The following SYNE1 variants were observed in gnomAD, a reference collection of about 807,000 sequenced individuals.
SYNE1 encodes nesprin-1.
Under a neutral mutation model 1,111.0 loss-of-function variants are expected in SYNE1, and 616 were observed. The observed-to-expected ratio is 0.55, with a 90% CI of 0.52 to 0.59. The LOEUF is 0.59. Ranked by LOEUF, SYNE1 falls within the 20% of genes least tolerant of loss-of-function variation. SYNE1 has a pLI of 0.00. For missense variants in SYNE1, 10,006 were observed against 10,417.0 expected (o/e 0.96, Z 1.72); for synonymous variants, 3,855 against 3,825.8 (o/e 1.01, Z -0.28).
At chr6:152,292,971 T>G (rs1399947341) in intron 95 of SYNE1, among the ~76,000 whole-genome samples, 1 of 152,244 alleles carries the variant, frequency 6.6e-6, no homozygotes, top group Non-Finnish European at 1.5e-5. Context: ...TCTGAACATT[T>G]CTTAGCATGC....
chr6:152,509,067 A>C (rs1228380078), intron 8 of SYNE1, among the ~76,000 whole-genome samples: 4 of 152,168 alleles, frequency 2.6e-5, no homozygotes, highest in Non-Finnish European at 5.9e-5. Flanking sequence ...ATGCAAAACA[A>C]GATAAAAAAT....
intron 78 of SYNE1, among the ~76,000 whole-genome samples, chr6:152,327,224 A>G (rs2153957700): frequency 6.6e-6 from 1 of 152,290 alleles, no homozygotes; most frequent in Admixed American, 6.5e-5. Context: ...TGAGAGGCAG[A>G]GGTTGCAGTG....
At position 152,378,008 on chromosome 6, in the gene SYNE1, C is replaced by T. The variant is rs776161078; in HGVS notation, c.9010-1096G>A. On this transcript the variant is annotated intron_variant, in intron 56 of 145. Coordinates refer to ENST00000367255, the MANE Select transcript of SYNE1 (RefSeq NM_182961.4). ...GACTTGAAAAGTACACCTCTGAAAT[C>T]GAGGCCATGGTCATCTGAGTTACAC... Among the ~76,000 whole-genome samples the T allele has an allele frequency of 5.3e-5, 8 of 152,178 alleles. 1 individual carries two copies. In the Middle Eastern group the frequency reaches 0.01, roughly 194 times the overall value.
intron 3 of SYNE1, among the ~76,000 whole-genome samples, chr6:152,588,968 T>C (rs1225838809): frequency 6.6e-6 from 1 of 152,050 alleles, no homozygotes; most frequent in Non-Finnish European, 1.5e-5. Context: ...CTTTTTTTTT[T>C]CAACAGAGAC....
At chr6:152,449,782 C>T in intron 27 of SYNE1, 141 bp from the exon 28 acceptor site, 1 of 737,022 alleles carries the variant, frequency 1.4e-6, no homozygotes, top group South Asian at 1.7e-5. Flanking sequence ...GGAAACTATT[C>T]TTTTAACATG....
Position 152,628,486 on chromosome 6 carries a change from T to G in SYNE1, c.-155A>C. 1.4e-6 allele frequency: 1 copy of G among 726,386 alleles called. No homozygotes were observed. The highest frequency in any genetic ancestry group is 2.4e-6 in the Non-Finnish European group (1 of 409,164). The allele number at this position is 726,386 out of a possible 1,614,324, so 45.0% of individuals were successfully genotyped here. A position where few individuals can be genotyped will look rare whatever the true frequency, so the allele number is the denominator to read the frequency against. ...GCAGCACTCAACAAGGAGGCAGCTC[T>G]CCCAAAGACTGAACTGCTTCTTTTT... On this transcript the variant is annotated 5_prime_UTR_variant, in exon 3 of 146. Coordinates refer to ENST00000367255, the MANE Select transcript of SYNE1 (RefSeq NM_182961.4).
intron 30 of SYNE1, 94 bp downstream of exon 30, chr6:152,444,317 C>G (rs755364946): frequency 5.7e-6 from 8 of 1,413,792 alleles, no homozygotes; most frequent in South Asian, 1.2e-5. Context: ...CTCACCCACT[C>G]TCTCAAGCCA....
At position 152,220,833 on chromosome 6, in the gene SYNE1, T is replaced by C. The variant is rs747923513; in HGVS notation, c.21861+9A>G. 1 of 1,612,878 alleles carries C rather than the reference T, an allele frequency of 6.2e-7. No homozygotes were observed. The highest frequency in any genetic ancestry group is 1.1e-5 in the South Asian group (1 of 91,014). ...CATGTGGGGAAAACAAGGTAGCTCC[T>C]GAACATACGTTGCAATCTTGAATCC... On this transcript the variant is annotated intron_variant, in intron 119 of 145. Transcript: ENST00000367255.
chr6:152,273,454 T>C (rs2093361653), intron 98 of SYNE1, among the ~76,000 whole-genome samples: 1 of 152,230 alleles, frequency 6.6e-6, no homozygotes, highest in Non-Finnish European at 1.5e-5. Flanking sequence ...AAGAATTTTT[T>C]TAAGTTAAAT....
chr6:152,615,832 G>A (rs1427392196), intron 3 of SYNE1, among the ~76,000 whole-genome samples: 2 of 152,150 alleles, frequency 1.3e-5, no homozygotes, highest in African/African-American at 4.8e-5. Flanking sequence ...CACACCTTTT[G>A]ACTTTTACAG....
Position 152,139,970 on chromosome 6 carries a change from G to A in SYNE1, c.25438C>T (p.Leu8480Phe). ...GCTACCTTGAGCTTTTTGATCTGGA[G>A]CTCGATGGTCTGGATGTCAGTGCTG... ...ELSTDIQTIE[L>F]QIKKLKELQK... The change falls in exon 140 of 146, where the codon CTC (leucine) becomes TTC (phenylalanine). Residue 8480 changes from leucine to phenylalanine, a missense_variant. By Grantham distance (22) the Leu-to-Phe change is conservative (BLOSUM62 0). Transcript: ENST00000367255. The A allele has an allele frequency of 6.2e-7, 1 of 1,613,780 alleles. No homozygotes were observed.
intron 119 of SYNE1, among the ~76,000 whole-genome samples, chr6:152,220,510 T>C (rs1028109146): frequency 8.5e-5 from 13 of 152,350 alleles, no homozygotes; most frequent in Admixed American, 7.2e-4. Context: ...GAAGATTTTT[T>C]AAAGATAGAA....
In SYNE1 at chr6:152,364,928, C is replaced by A. The variant is rs1238312482; in HGVS notation, c.10064G>T (p.Gly3355Val). 6.2e-7 allele frequency: 1 copy of A among 1,614,236 alleles called. No homozygotes were observed. The highest frequency in any genetic ancestry group is 2.2e-5 in the East Asian group (1 of 44,890). The change falls in exon 63 of 146, where the codon GGC (glycine) becomes GTC (valine). Residue 3355 changes from glycine (G) to valine (V), a missense_variant. Coordinates refer to ENST00000367255, the MANE Select transcript of SYNE1 (RefSeq NM_182961.4). The stretch of plus-strand genomic sequence containing the variant: ...CAGCTGCTGCTGAATAGTGGGAATG[C>A]CTTCTGGAGAAGTATTCTGAAGGAC... ...ESVLQNTSPE[G>V]IPTIQQQLQS...
In SYNE1 at chr6:152,189,343, G is replaced by T; in HGVS notation, c.23210C>A (p.Thr7737Asn). 1.2e-6 allele frequency: 2 copies of T among 1,614,036 alleles called. No homozygotes were observed. The highest frequency in any genetic ancestry group is 4.5e-5 in the East Asian group (2 of 44,864). Residue 7737 changes from threonine to asparagine, a missense_variant, in exon 128 of 146, where the codon ACC becomes AAC. Transcript: ENST00000367255. ...ATCAGCACTGATATAGGCAGAGAGG[G>T]TGTCCTTCAGCAGGCTCAACTGGGT... is the stretch of plus-strand genomic sequence containing the variant. Reference protein sequence around the residue: ...DLTQLSLLKDTLSAYISADDI... With the variant: ...DLTQLSLLKDNLSAYISADDI...
chr6:152,395,438 A>C (rs2097717439), intron 51 of SYNE1, 78 bp downstream of exon 51: 13 of 1,522,108 alleles, frequency 8.5e-6, no homozygotes, highest in Non-Finnish European at 1.2e-5. Flanking sequence ...CTAACCAATC[A>C]AAACCAAACC....
rs574161451 is a variant in SYNE1, at chr6:152,389,923, T to C, written c.8177+357A>G. On this transcript the variant is annotated intron_variant, in intron 53 of 145. Transcript: ENST00000367255. ...CTAAGCTCAACAGCTGCCAATAGCT[T>C]AATTTTCCATATGTTCCTTAAGCTA... Among the ~76,000 whole-genome samples, 22 of 152,340 alleles carry C rather than the reference T, an allele frequency of 1.4e-4. No homozygotes were observed. The East Asian group carries it at 4.2e-3, about 29-fold the overall frequency.
intron 3 of SYNE1, among the ~76,000 whole-genome samples, chr6:152,567,200 A>G (rs149710973): frequency 1.3e-5 from 2 of 152,218 alleles, no homozygotes; most frequent in Non-Finnish European, 1.5e-5. Flanking sequence ...AGGTTCATCT[A>G]TGTTGTCAAA....
intron 66 of SYNE1, among the ~76,000 whole-genome samples, chr6:152,356,688 T>C (rs901454565): frequency 1.3e-5 from 2 of 152,074 alleles, no homozygotes; most frequent in African/African-American, 4.8e-5. Context: ...CTGAAGAAAT[T>C]CTGCTTTGTG....
chr6:152,497,350 A>C (rs2099005146), intron 11 of SYNE1, among the ~76,000 whole-genome samples: 1 of 152,260 alleles, frequency 6.6e-6, no homozygotes, highest in African/African-American at 2.4e-5. Context: ...CTGAATGAAC[A>C]GGTGAATATA....
Sources: allele counts gnomAD v4.1 joint callset (sites outside exome capture counted in the v4.1 genomes callset), GRCh38; gene constraint gnomAD v4.1.1; transcripts MANE v1.5; gene names NCBI Gene and HGNC (gene_info 2026-07-23, HGNC 2026-07-21).